The following AGL variants were observed in gnomAD, a reference collection of about 807,000 sequenced individuals.
AGL encodes the protein glycogen debranching enzyme.
In AGL, 128 loss-of-function variants were observed where a neutral mutation model predicts 199.3. The ratio of observed to expected loss-of-function variants is 0.64; its 90% CI spans 0.56 to 0.74. The LOEUF (loss-of-function observed/expected upper bound fraction) is 0.74, where lower values mean the gene tolerates loss of function less well. Ranked by LOEUF, AGL falls within the 30% of genes least tolerant of loss-of-function variation. The probability of loss-of-function intolerance (pLI) is 0.00; values close to 1 mark genes in which losing one functional copy is unlikely to be tolerated. For missense variants in AGL, 1,809 were observed against 1,820.8 expected (o/e 0.99, Z 0.12); for synonymous variants, 584 against 594.7 (o/e 0.98, Z 0.26).
rs148989218 is a variant in AGL, at chr1:99,914,123, T to C, written c.4161+385T>C. ...TCATAATGAAGCCCCACCACCATATTTGAAAAGAAAAGAAAAGAAAATGAT... is the reference window on the plus strand; with the variant it reads ...TCATAATGAAGCCCCACCACCATATCTGAAAAGAAAAGAAAAGAAAATGAT... On this transcript the variant is annotated intron_variant, in intron 30 of 33. Coordinates refer to ENST00000361915, the MANE Select transcript of AGL (RefSeq NM_000642.3). Among the ~76,000 whole-genome samples, 3 of 152,040 alleles carry C rather than the reference T, an allele frequency of 2.0e-5. No homozygotes were observed. The East Asian group carries it at 5.8e-4, about 29-fold the overall frequency.
intron 25 of AGL, among the ~76,000 whole-genome samples, chr1:99,898,479 G>A (rs906659166): frequency 1.3e-5 from 2 of 152,116 alleles, no homozygotes; most frequent in African/African-American, 2.4e-5. Flanking sequence ...TGCCTACCCC[G>A]ATCTAGAGGT....
intron 24 of AGL, among the ~76,000 whole-genome samples, 160 bp downstream of exon 24, chr1:99,892,767 C>T (rs1451263134): frequency 1.3e-5 from 2 of 152,038 alleles, no homozygotes; most frequent in Admixed American, 1.3e-4. Flanking sequence ...AAATAATAAC[C>T]ATGCTTACTG....
chr1:99,913,099 AG>A (rs1159125790), intron 29 of AGL, among the ~76,000 whole-genome samples: 2 of 152,088 alleles, frequency 1.3e-5, no homozygotes, highest in African/African-American at 4.8e-5. Context: ...GTGAGCTTGT[AG>A]TCCCAGCTAC....
intron 21 of AGL, among the ~76,000 whole-genome samples, chr1:99,888,718 G>C (rs1219246709): frequency 6.6e-6 from 1 of 152,108 alleles, no homozygotes; most frequent in Non-Finnish European, 1.5e-5. Flanking sequence ...TATTTACTTA[G>C]ATGTTTAAGA....
intron 20 of AGL, among the ~76,000 whole-genome samples, chr1:99,886,443 C>A (rs1652459619): frequency 6.6e-6 from 1 of 151,836 alleles, no homozygotes; most frequent in South Asian, 2.1e-4. Flanking sequence ...CATGATTGTG[C>A]CACTGCTCTC....
chr1:99,884,160 G>A lies in AGL; in HGVS notation c.2349G>A (p.Glu783=). 1 of 1,612,788 alleles carries A rather than the reference G, an allele frequency of 6.2e-7. No homozygotes were observed. The highest frequency in any genetic ancestry group is 1.3e-5 in the African/African-American group (1 of 74,986). Residue 783 remains glutamate, a synonymous_variant, in exon 18 of 34, where the codon GAG becomes GAA. Transcript: ENST00000361915. ...TAGTTCTTGAAGCTAGAACTATTGA[G>A]AGAAACACGAAACCTTATAGGAAGG... is the stretch of plus-strand genomic sequence containing the variant. The part of the protein sequence containing the change: ...EEVVLEARTI[E]RNTKPYRKDE...
intron 5 of AGL, among the ~76,000 whole-genome samples, chr1:99,866,599 A>G (rs1571235812): frequency 1.3e-5 from 2 of 152,186 alleles, no homozygotes; most frequent in Admixed American, 1.3e-4. Context: ...TTTGTCAGCT[A>G]TGTGTAAAGT....
At chr1:99,856,153 C>T (rs1473760987) in intron 2 of AGL, among the ~76,000 whole-genome samples, 1 of 152,196 alleles carries the variant, frequency 6.6e-6, no homozygotes, top group Non-Finnish European at 1.5e-5. Flanking sequence ...ATCTGACCTA[C>T]TGTAGGCTCT....
intron 13 of AGL, 60 bp downstream of exon 13, chr1:99,880,106 G>C (rs1570442367): frequency 6.2e-7 from 1 of 1,605,234 alleles, no homozygotes; most frequent in Non-Finnish European, 8.5e-7. Flanking sequence ...GTAGATTAAA[G>C]GATTTAATAG....
At chr1:99,899,923 T>A (rs1451743849) in intron 25 of AGL, among the ~76,000 whole-genome samples, 1 of 151,692 alleles carries the variant, frequency 6.6e-6, no homozygotes, top group African/African-American at 2.4e-5. Context: ...CCCGGCCTTC[T>A]TTCTTTTCTT....
rs938141696 is a variant in AGL at position 99,890,648 on chromosome 1, AAAAT to A, written c.2813-570_2813-567del. ...GAAGACTAGAAGGATTAAGAAAAAAAAAATATATATATATATACCTCATTTTGAT... is the reference window on the plus strand; with the variant it reads ...GAAGACTAGAAGGATTAAGAAAAAAAATATATATATATACCTCATTTTGAT... On this transcript the variant is annotated intron_variant, in intron 21 of 33. Transcript: ENST00000361915. Among the ~76,000 whole-genome samples the A allele has an allele frequency of 2.0e-3, 238 of 119,270 alleles. 1 individual carries two copies. In the East Asian group the frequency reaches 0.032, roughly 16 times the overall value. 78.2% of individuals were successfully genotyped at this position (119,270 alleles called of 152,430 possible).
chr1:99,886,538 C>A (rs965734883), intron 20 of AGL, among the ~76,000 whole-genome samples: 2 of 152,048 alleles, frequency 1.3e-5, no homozygotes, highest in African/African-American at 2.4e-5. Context: ...ATTATAGCAC[C>A]TTTCTTACAG....
chr1:99,887,927 GACA>G lies in AGL; in HGVS notation c.2682-46_2682-44del, dbSNP rs147329185. ...CAGATTTTCTTCTTTTGTTTCTATT[GACA>G]ACAAGCGAAACTTCAATATATGGTT... is the stretch of plus-strand genomic sequence containing the variant. On this transcript the variant is annotated intron_variant, in intron 20 of 33. Transcript: ENST00000361915. The G allele has an allele frequency of 2.5e-4, 394 of 1,601,854 alleles. 5 individuals carry two copies. The East Asian group carries it at 8.8e-3, about 36-fold the overall frequency.
At position 99,892,619 on chromosome 1, in the gene AGL, T is replaced by C. The variant is rs992219486; in HGVS notation, c.3259+12T>C. On this transcript the variant is annotated intron_variant, in intron 24 of 33. Transcript: ENST00000361915. Reference sequence around the variant, plus strand: ...TTCTCTAGCTGCAGGTAAGGAATTATGTACAAGGTTAAAATATGTAAATCG... The same window carrying C: ...TTCTCTAGCTGCAGGTAAGGAATTACGTACAAGGTTAAAATATGTAAATCG... The C allele has an allele frequency of 1.2e-6, 2 of 1,611,400 alleles. No homozygotes were observed. Among genetic ancestry groups the C allele is most frequent in the Admixed American group, 1.7e-5 (1 of 59,942 alleles).
intron 33 of AGL, 34 bp from the exon 34 acceptor site, chr1:99,921,500 T>G (rs749742340): frequency 4.8e-6 from 7 of 1,470,030 alleles, no homozygotes; most frequent in Admixed American, 1.7e-5. Context: ...TGAATTAAAT[T>G]ATGTCTTTGT....
intron 2 of AGL, among the ~76,000 whole-genome samples, chr1:99,851,797 A>G (rs1648971299): frequency 6.6e-6 from 1 of 152,208 alleles, no homozygotes; most frequent in South Asian, 2.1e-4. Flanking sequence ...AATATATGAA[A>G]AATCCAGTCC....
intron 33 of AGL, among the ~76,000 whole-genome samples, chr1:99,917,814 A>G (rs771680535): frequency 2.6e-5 from 4 of 151,922 alleles, no homozygotes; most frequent in Non-Finnish European, 4.4e-5. Context: ...GTATAGTTTT[A>G]TTTTTCCCCT....
chr1:99,850,756 C>A (rs377176234), intron 1 of AGL: 8 of 401,500 alleles, frequency 2.0e-5, no homozygotes, highest in East Asian at 1.6e-4. Context: ...TTGTAAGAAT[C>A]TGTAATACAG....
intron 5 of AGL, among the ~76,000 whole-genome samples, chr1:99,866,348 G>A (rs938824888): frequency 2.0e-5 from 3 of 152,190 alleles, no homozygotes; most frequent in African/African-American, 7.2e-5. Flanking sequence ...TGGTAGTTCA[G>A]TGGTGATAGG....
Sources: allele counts gnomAD v4.1 joint callset (sites outside exome capture counted in the v4.1 genomes callset), GRCh38; gene constraint gnomAD v4.1.1; transcripts MANE v1.5; gene names NCBI Gene and HGNC (gene_info 2026-07-23, HGNC 2026-07-21).